LTN1: variants seen among roughly 807,000 people sequenced by gnomAD.
The protein encoded by LTN1 is E3 ubiquitin-protein ligase listerin.
In LTN1, 88 loss-of-function variants were observed where a neutral mutation model predicts 201.2. The ratio of observed to expected loss-of-function variants is 0.44; its 90% CI spans 0.37 to 0.52. LTN1 has a LOEUF of 0.52. Among genes scored for constraint, LTN1 ranks in the 20% least tolerant of loss-of-function variants. LTN1 has a pLI of 0.00. For synonymous variants in LTN1, 645 were observed against 713.5 expected (o/e 0.90, Z 1.53); for missense variants, 1,752 against 2,038.7 (o/e 0.86, Z 2.71).
Position 28,969,477 on chromosome 21 carries a change from C to T in LTN1, c.1300G>A (p.Val434Ile), listed in dbSNP as rs746281696. Residue 434 changes from valine (V) to isoleucine (I), a missense_variant, in exon 9 of 30, where the codon GTC becomes ATC. This residue lies in a region of LTN1 where 1,211 missense variants were observed against 1,312.8 expected (regional missense o/e 0.92). Coordinates refer to ENST00000361371, the MANE Select transcript of LTN1 (RefSeq NM_015565.3). ...TACATTATAGATACCTGATCATTGA[C>T]GAGCATCTGTTCAATCTCTTCCTCA... ...LGEEEIEQML[V>I]NDQLIPFIDA... 7.5e-6 allele frequency: 12 copies of T among 1,608,652 alleles called. No individual in the cohort carries two copies. The highest frequency in any genetic ancestry group is 5.4e-5 in the African/African-American group (4 of 74,508).
At chr21:28,967,360 C>A (rs2146299512) in intron 9 of LTN1, among the ~76,000 whole-genome samples, 181 bp from the exon 10 acceptor site, 1 of 152,242 alleles carries the variant, frequency 6.6e-6, no homozygotes, top group Non-Finnish European at 1.5e-5. Flanking sequence ...AAGACCAAGG[C>A]AGGATTAAAG....
intron 18 of LTN1, among the ~76,000 whole-genome samples, chr21:28,950,857 G>A (rs949613289): frequency 2.0e-5 from 3 of 152,150 alleles, no homozygotes; most frequent in Admixed American, 6.5e-5. Context: ...ATTACAAAGA[G>A]AGAGAACAGA....
chr21:28,933,548 A>G (rs1030887593), intron 27 of LTN1, among the ~76,000 whole-genome samples: 29 of 151,958 alleles, frequency 1.9e-4, no homozygotes, highest in African/African-American at 6.8e-4. Flanking sequence ...GATTCTATTC[A>G]CCCTTGGGAC....
chr21:28,930,568 C>T (rs2084202906), intron 29 of LTN1, 58 bp from the exon 30 acceptor site: 2 of 1,107,638 alleles, frequency 1.8e-6, no homozygotes, highest in Non-Finnish European at 2.7e-6. Flanking sequence ...CTCTAACATA[C>T]ATCATAAAGT....
chr21:28,970,819 G>A (rs1222282178), intron 7 of LTN1, 77 bp from the exon 8 acceptor site: 3 of 1,130,852 alleles, frequency 2.7e-6, no homozygotes, highest in Non-Finnish European at 3.6e-6. Context: ...AAACATATAG[G>A]CTCTCAAAAA....
intron 12 of LTN1, among the ~76,000 whole-genome samples, chr21:28,960,070 T>A (rs2146289990): frequency 6.6e-6 from 1 of 152,186 alleles, no homozygotes; most frequent in Non-Finnish European, 1.5e-5. Context: ...CTTACAATAT[T>A]ACGATATGTA....
chr21:28,987,589 AT>A (rs1258578345), intron 1 of LTN1, among the ~76,000 whole-genome samples: 1 of 152,244 alleles, frequency 6.6e-6, no homozygotes, highest in Non-Finnish European at 1.5e-5. Flanking sequence ...CAGTCAATCT[AT>A]AATACAGACT....
intron 6 of LTN1, among the ~76,000 whole-genome samples, chr21:28,973,391 C>T (rs1220320982): frequency 1.3e-5 from 2 of 148,884 alleles, no homozygotes. Context: ...AATAAAAACA[C>T]CTTCTGACAC....
chr21:28,936,092 T>A (rs2084254767), intron 26 of LTN1, among the ~76,000 whole-genome samples: 1 of 152,192 alleles, frequency 6.6e-6, no homozygotes, highest in Non-Finnish European at 1.5e-5. Context: ...ATGCAGTCCA[T>A]CCTCAGATCT....
intron 1 of LTN1, among the ~76,000 whole-genome samples, chr21:28,988,238 G>T (rs555361159): frequency 4.0e-5 from 6 of 151,796 alleles, no homozygotes; most frequent in Non-Finnish European, 8.8e-5. Flanking sequence ...AGGTCAAGGC[G>T]GGTGGATCAC....
At chr21:28,948,693 TTC>T (rs1210808218) in intron 18 of LTN1, among the ~76,000 whole-genome samples, 2 of 152,198 alleles carry the variant, frequency 1.3e-5, no homozygotes, top group South Asian at 4.1e-4. Flanking sequence ...ATATAAATTA[TTC>T]TGTTTTAAAG....
In LTN1 at chr21:28,940,196, T is replaced by G. The variant is rs533942288; in HGVS notation, c.4482+1024A>C. Among the ~76,000 whole-genome samples the G allele has an allele frequency of 3.2e-4, 49 of 152,352 alleles. 1 individual carries two copies. The highest frequency in any genetic ancestry group is 1.1e-3 in the African/African-American group (47 of 41,582). On this transcript the variant is annotated intron_variant, in intron 25 of 29. Coordinates refer to ENST00000361371, the MANE Select transcript of LTN1 (RefSeq NM_015565.3). ...GAGATTTGGATCTTCCTTGTTCTTT[T>G]TGAGACAGGGTCTGGCTCTGTCGCC...
chr21:28,984,993 G>C, intron 3 of LTN1, 71 bp from the exon 4 acceptor site: 1 of 1,035,348 alleles, frequency 9.7e-7, no homozygotes, highest in Non-Finnish European at 1.4e-6. Context: ...TTCCGGATAT[G>C]CTATAATGAC....
chr21:28,978,485 T>C (rs1280462587), intron 6 of LTN1, among the ~76,000 whole-genome samples: 1 of 152,198 alleles, frequency 6.6e-6, no homozygotes, highest in Non-Finnish European at 1.5e-5. Flanking sequence ...AAAAGGTAGA[T>C]TATTGATGAA....
rs1367379746 is a variant in LTN1, at chr21:28,959,543, T to A, written c.2508A>T (p.Gly836=). Residue 836 remains glycine, a synonymous_variant, in exon 13 of 30, where the codon GGA becomes GGT. Coordinates refer to ENST00000361371, the MANE Select transcript of LTN1 (RefSeq NM_015565.3). ...VAYNYFSSAK[G]CLLMPSSEDL... ...CTTCAGATGATGGCATTAGCAAGCA[T>A]CCTTTCGCTGAGCTGAAATAGTTAT... 2 of 1,614,050 alleles carry A rather than the reference T, an allele frequency of 1.2e-6. No individual in the cohort carries two copies. Among genetic ancestry groups the A allele is most frequent in the African/African-American group, 1.3e-5 (1 of 75,034 alleles).
intron 18 of LTN1, among the ~76,000 whole-genome samples, chr21:28,950,711 G>A (rs67280041): frequency 0.012 from 1,868 of 151,994 alleles, 21 homozygotes; most frequent in Middle Eastern, 0.02. Context: ...GAGATGTTTC[G>A]CCATGTTGCC....
At chr21:28,953,058 T>C (rs2084395536) in intron 17 of LTN1, among the ~76,000 whole-genome samples, 159 bp downstream of exon 17, 2 of 152,186 alleles carry the variant, frequency 1.3e-5, no homozygotes, top group Admixed American at 1.3e-4. Context: ...TTAAATCAAG[T>C]ATTTAGAATT....
At chr21:28,991,801 A>G (rs2084748668) in intron 1 of LTN1, among the ~76,000 whole-genome samples, 2 of 152,368 alleles carry the variant, frequency 1.3e-5, no homozygotes, top group South Asian at 4.1e-4. Flanking sequence ...TGACATTGAA[A>G]TCACTAGAAT....
intron 27 of LTN1, among the ~76,000 whole-genome samples, chr21:28,934,397 T>G (rs1319100500): frequency 6.6e-6 from 1 of 152,158 alleles, no homozygotes; most frequent in African/African-American, 2.4e-5. Context: ...AAGTGGGGCC[T>G]GGTGGGAAGT....
Sources: allele counts gnomAD v4.1 joint callset (sites outside exome capture counted in the v4.1 genomes callset), GRCh38; gene constraint gnomAD v4.1.1; regional missense constraint gnomAD v4.1.1; transcripts MANE v1.5; gene names NCBI Gene and HGNC (gene_info 2026-07-23, HGNC 2026-07-21).